SLIT3: variants seen among roughly 807,000 people sequenced by gnomAD.
SLIT3 encodes the protein slit guidance ligand 3, also known as slit homolog 3 protein.
In SLIT3, 68 loss-of-function variants were observed where a neutral mutation model predicts 184.0. The ratio of observed to expected loss-of-function variants is 0.37; its 90% CI spans 0.30 to 0.45. The LOEUF is 0.45. Among genes scored for constraint, SLIT3 ranks in the 20% least tolerant of loss-of-function variants. The pLI is 1.00. For missense variants in SLIT3, 1,707 were observed against 2,026.0 expected (o/e 0.84, Z 3.02); for synonymous variants, 831 against 828.6 (o/e 1.00, Z -0.05).
At chr5:168,937,745 A>G (rs1051591168) in intron 4 of SLIT3, among the ~76,000 whole-genome samples, 2 of 152,116 alleles carry the variant, frequency 1.3e-5, no homozygotes, top group African/African-American at 2.4e-5. Flanking sequence ...CATGCACCTC[A>G]GTTTTCTTTT....
chr5:169,056,056 G>A (rs1490574468), intron 4 of SLIT3, among the ~76,000 whole-genome samples: 2 of 152,178 alleles, frequency 1.3e-5, no homozygotes, highest in East Asian at 1.9e-4. Flanking sequence ...GAGGGGCAGA[G>A]TGGAGTCTGG....
chr5:169,063,124 A>G (rs909632345), intron 4 of SLIT3, among the ~76,000 whole-genome samples: 1 of 152,206 alleles, frequency 6.6e-6, no homozygotes, highest in African/African-American at 2.4e-5. Flanking sequence ...GTAAATACCT[A>G]GAGGGACGAA....
At chr5:168,708,568 C>G (rs1386036838) in intron 25 of SLIT3, 2 of 177,988 alleles carry the variant, frequency 1.1e-5, no homozygotes, top group Admixed American at 5.5e-5. Context: ...GAAGTCCCCC[C>G]TGGAAAACCT....
At chr5:168,868,785 G>GAA (rs1759407893) in intron 5 of SLIT3, among the ~76,000 whole-genome samples, 100 of 144,280 alleles carry the variant, frequency 6.9e-4, no homozygotes, top group African/African-American at 2.4e-3. Context: ...AAAAGAAAAA[G>GAA]AAAGGCAAAA....
At chr5:168,989,938 A>G (rs958808858) in intron 4 of SLIT3, among the ~76,000 whole-genome samples, 3 of 152,230 alleles carry the variant, frequency 2.0e-5, no homozygotes, top group Admixed American at 1.3e-4. Context: ...TAGTTGGCAC[A>G]TTATAGTCAA....
At chr5:168,701,214 A>G (rs561125547) in intron 26 of SLIT3, among the ~76,000 whole-genome samples, 2 of 152,378 alleles carry the variant, frequency 1.3e-5, no homozygotes, top group East Asian at 3.9e-4. Flanking sequence ...GCTAGAAGAT[A>G]ACATTACCAT....
At chr5:169,298,734 G>T (rs142157100) in intron 1 of SLIT3, among the ~76,000 whole-genome samples, 1,813 of 152,282 alleles carry the variant, frequency 0.012, 17 homozygotes, top group Middle Eastern at 0.024. Context: ...AACCAGTCAG[G>T]CTTGGATCCA....
intron 5 of SLIT3, among the ~76,000 whole-genome samples, chr5:168,848,879 T>G (rs1212282256): frequency 1.3e-5 from 2 of 152,224 alleles, no homozygotes; most frequent in African/African-American, 4.8e-5. Flanking sequence ...CTCTTTCAAT[T>G]ACAATGTGAA....
At chr5:168,958,453 C>T (rs76743308) in intron 4 of SLIT3, among the ~76,000 whole-genome samples, 2,834 of 152,304 alleles carry the variant, frequency 0.019, 40 homozygotes, top group East Asian at 0.035. Flanking sequence ...TTAATCCTCA[C>T]AGAAACCTGT....
chr5:169,149,310 G>A (rs1341334584), intron 4 of SLIT3, among the ~76,000 whole-genome samples: 3 of 150,282 alleles, frequency 2.0e-5, no homozygotes, highest in Non-Finnish European at 4.4e-5. Flanking sequence ...AAAAGATACA[G>A]CCTAAACTTA....
chr5:169,226,831 C>G (rs1224671687), intron 3 of SLIT3, among the ~76,000 whole-genome samples: 1 of 152,172 alleles, frequency 6.6e-6, no homozygotes. Flanking sequence ...TTGCTAGAAT[C>G]GTGGCCTAGA....
chr5:168,687,224 C>T (rs1457941113), intron 29 of SLIT3, 108 bp from the exon 30 acceptor site: 8 of 1,294,824 alleles, frequency 6.2e-6, no homozygotes, highest in Non-Finnish European at 7.6e-6. Context: ...CTTCTATCTA[C>T]CCAAGTTCCT....
At chr5:168,846,486 C>CTTCTAGATTTATCATCAGCTTAGAG (rs1758474679) in intron 5 of SLIT3, among the ~76,000 whole-genome samples, 1 of 152,140 alleles carries the variant, frequency 6.6e-6, no homozygotes, top group Non-Finnish European at 1.5e-5. Context: ...TGCTGCCCAG[C>CTTCTAGATTTATCATCAGCTTAGAG]TTCTAGATTT....
At chr5:169,191,563 T>C (rs1400238987) in intron 4 of SLIT3, among the ~76,000 whole-genome samples, 1 of 152,220 alleles carries the variant, frequency 6.6e-6, no homozygotes, top group East Asian at 1.9e-4. Context: ...TCTCATTGGA[T>C]ACTTACAGTT....
intron 32 of SLIT3, among the ~76,000 whole-genome samples, chr5:168,682,118 C>T (rs1228393976): frequency 1.3e-5 from 2 of 152,238 alleles, no homozygotes; most frequent in Admixed American, 6.5e-5. Context: ...TTAGGCGGCC[C>T]AGGCTCTAGG....
At chr5:168,873,667 G>A (rs987082774) in intron 5 of SLIT3, among the ~76,000 whole-genome samples, 8 of 152,198 alleles carry the variant, frequency 5.3e-5, no homozygotes, top group African/African-American at 1.9e-4. Context: ...TGAAGGCTGC[G>A]TGCAAACCAG....
chr5:169,116,640 C>T (rs962259127), intron 4 of SLIT3, among the ~76,000 whole-genome samples: 2 of 152,184 alleles, frequency 1.3e-5, no homozygotes, highest in African/African-American at 4.8e-5. Context: ...GATGATAGTC[C>T]ATGCACATGA....
chr5:168,838,584 G>A (rs1415327581), intron 6 of SLIT3, among the ~76,000 whole-genome samples: 1 of 152,114 alleles, frequency 6.6e-6, no homozygotes, highest in Non-Finnish European at 1.5e-5. Flanking sequence ...AACACACTGC[G>A]ACTTGCATTA....
chr5:169,119,751 A>G (rs1760813737), intron 4 of SLIT3: 1 of 152,134 alleles, frequency 6.6e-6, no homozygotes, highest in Non-Finnish European at 1.5e-5. Flanking sequence ...TCCAATCTTA[A>G]CATCTTTCTA....
Sources: gnomAD v4.1 joint callset for allele counts (sites outside exome capture counted in the v4.1 genomes callset) on GRCh38, gnomAD v4.1.1 for gene constraint, MANE v1.5 for transcripts, NCBI Gene and HGNC (gene_info 2026-07-23, HGNC 2026-07-21) for gene names.